CORO2B: variants seen among roughly 807,000 people sequenced by gnomAD.
The protein encoded by CORO2B is coronin 2B, also known as coronin-2B.
In CORO2B, 26 loss-of-function variants were observed where a neutral mutation model predicts 58.8. The observed-to-expected ratio is 0.44, with a 90% CI of 0.32 to 0.61. CORO2B has a LOEUF of 0.61. Ranked by LOEUF, CORO2B falls within the 20% of genes least tolerant of loss-of-function variation. The pLI is 0.04. For synonymous variants in CORO2B, 242 were observed against 253.8 expected (o/e 0.95, Z 0.44); for missense variants, 460 against 645.1 (o/e 0.71, Z 3.11).
intron 2 of CORO2B, among the ~76,000 whole-genome samples, chr15:68,671,369 T>C (rs888083645): frequency 7.9e-5 from 12 of 152,208 alleles, no homozygotes; most frequent in African/African-American, 2.9e-4. Flanking sequence ...CCCTGTTGGC[T>C]GTAGACCCAC....
chr15:68,564,232 A>T, the CORO2B span, among the ~76,000 whole-genome samples: 1 of 152,158 alleles, frequency 6.6e-6, no homozygotes, highest in Non-Finnish European at 1.5e-5. Context: ...CATTCCAATT[A>T]TGCAGTGGGC....
intron 5 of CORO2B, among the ~76,000 whole-genome samples, chr15:68,712,859 T>C (rs185457434): frequency 4.7e-4 from 71 of 152,158 alleles, no homozygotes; most frequent in Non-Finnish European, 6.8e-4. Context: ...CCAGAGCCCA[T>C]GCCAAGCAGA....
chr15:68,695,238 G>A lies in CORO2B; in HGVS notation c.315G>A (p.Ser105=), dbSNP rs773156286. Residue 105 remains serine (S), a synonymous_variant, in exon 3 of 12, where the codon TCG becomes TCA. Transcript: ENST00000261861. ...CCTTCATCGACAACATCATTGCCTCGTGCTCGGAGGACACGTCGGTGAGCA... is the reference window on the plus strand; with the variant it reads ...CCTTCATCGACAACATCATTGCCTCATGCTCGGAGGACACGTCGGTGAGCA... ...WNPFIDNIIA[S]CSEDTSVRIW... The A allele has an allele frequency of 1.9e-5, 31 of 1,613,790 alleles. No individual in the cohort carries two copies. Among genetic ancestry groups the A allele is most frequent in the African/African-American group, 2.7e-5 (2 of 74,928 alleles).
chr15:68,531,535 G>A, the CORO2B span, among the ~76,000 whole-genome samples: 29 of 118,692 alleles, frequency 2.4e-4, no homozygotes, highest in Middle Eastern at 4.5e-3. Context: ...AAGGAAGGAA[G>A]GAAGGAAGGA....
At chr15:68,530,302 G>A in the CORO2B span, among the ~76,000 whole-genome samples, 1 of 152,142 alleles carries the variant, frequency 6.6e-6, no homozygotes, top group Non-Finnish European at 1.5e-5. Context: ...TCCAACCTGG[G>A]TGACAGAGTG....
intron 1 of CORO2B, among the ~76,000 whole-genome samples, chr15:68,621,030 C>T (rs1429755287): frequency 6.6e-6 from 1 of 152,238 alleles, no homozygotes; most frequent in African/African-American, 2.4e-5. Context: ...CAGATGTTCT[C>T]CTCGCCTGCT....
chr15:68,592,121 C>G (rs1029008923), intron 1 of CORO2B, among the ~76,000 whole-genome samples: 3 of 152,106 alleles, frequency 2.0e-5, no homozygotes, highest in African/African-American at 7.2e-5. Flanking sequence ...CCTTCTGCGC[C>G]GTGTCCTCCA....
intron 3 of CORO2B, among the ~76,000 whole-genome samples, chr15:68,707,830 C>A (rs916263764): frequency 6.6e-6 from 1 of 152,100 alleles, no homozygotes; most frequent in Non-Finnish European, 1.5e-5. Flanking sequence ...CCCCCTGCAC[C>A]CTCTCAGTCA....
chr15:68,631,038 G>A (rs1196276800), intron 1 of CORO2B, among the ~76,000 whole-genome samples: 1 of 152,156 alleles, frequency 6.6e-6, no homozygotes, highest in African/African-American at 2.4e-5. Flanking sequence ...AAGGGTGAGG[G>A]GTGTTCCCGT....
At chr15:68,655,425 A>G (rs897453134) in intron 2 of CORO2B, among the ~76,000 whole-genome samples, 1 of 152,110 alleles carries the variant, frequency 6.6e-6, no homozygotes, top group Non-Finnish European at 1.5e-5. Flanking sequence ...CCAGTCTTAC[A>G]TTGACACAAT....
the CORO2B span, among the ~76,000 whole-genome samples, chr15:68,521,368 G>A: frequency 6.6e-6 from 1 of 152,166 alleles, no homozygotes; most frequent in Non-Finnish European, 1.5e-5. Context: ...AGTGCCACAA[G>A]CTTGGTACAT....
At chr15:68,573,164 G>A in the CORO2B span, among the ~76,000 whole-genome samples, 24 of 152,164 alleles carry the variant, frequency 1.6e-4, 1 homozygote, top group South Asian at 5.0e-3. Flanking sequence ...CCTCAGAGGT[G>A]AAAGACAACA....
At position 68,631,222 on chromosome 15, in the gene CORO2B, C is replaced by T. The variant is rs138522223; in HGVS notation, c.16-13938C>T. On this transcript the variant is annotated intron_variant, in intron 1 of 11. Transcript: ENST00000261861. ...CCCCATGTCCCCCAAAGGCCAGCCA[C>T]TTGCCCGTCAGTGGGTTATGGATGG... 6.6e-5 allele frequency among the ~76,000 whole-genome samples: 10 copies of T among 152,310 alleles called. No homozygotes were observed. In the East Asian group the frequency reaches 1.7e-3, roughly 26 times the overall value.
In CORO2B at chr15:68,710,584, C is replaced by G. The variant is rs1892890405; in HGVS notation, c.334-148C>G. 1 of 898,302 alleles carries G rather than the reference C, an allele frequency of 1.1e-6. No homozygotes were observed. Among genetic ancestry groups the G allele is most frequent in the African/African-American group, 1.7e-5 (1 of 58,978 alleles). 55.6% of individuals were successfully genotyped at this position (898,302 alleles called of 1,614,324 possible). ...CACACCCTGAGACCTCCCAGCAGGC[C>G]TCAGTCGAGCTTTGCCCATCGCCTC... On this transcript the variant is annotated intron_variant, in intron 3 of 11. Coordinates refer to ENST00000261861, the MANE Select transcript of CORO2B (RefSeq NM_006091.5). The surrounding 1 kb of genome is among the most constrained non-coding windows in gnomAD (Gnocchi z 4.1).
intron 2 of CORO2B, among the ~76,000 whole-genome samples, chr15:68,675,027 T>C (rs1902529305): frequency 6.6e-6 from 1 of 152,184 alleles, no homozygotes; most frequent in African/African-American, 2.4e-5. Context: ...CAAAAAGACT[T>C]AGGCAAGAAG....
intron 1 of CORO2B, among the ~76,000 whole-genome samples, chr15:68,642,111 A>G (rs916608850): frequency 1.4e-5 from 2 of 139,370 alleles, no homozygotes; most frequent in Non-Finnish European, 3.0e-5. Context: ...ATCTCGGCTC[A>G]CTGCAACCTC....
chr15:68,609,576 G>C (rs1900199827), intron 1 of CORO2B, among the ~76,000 whole-genome samples: 1 of 152,172 alleles, frequency 6.6e-6, no homozygotes, highest in Admixed American at 6.5e-5. Flanking sequence ...ATCTCTTTTG[G>C]AGTTGGGGGA....
At chr15:68,679,653 G>A (rs1451771008) in intron 2 of CORO2B, among the ~76,000 whole-genome samples, 1 of 152,202 alleles carries the variant, frequency 6.6e-6, no homozygotes, top group African/African-American at 2.4e-5. Context: ...AACTTGCTCA[G>A]TCAGTCATTA....
At chr15:68,651,851 T>C (rs983671606) in intron 2 of CORO2B, among the ~76,000 whole-genome samples, 2 of 152,240 alleles carry the variant, frequency 1.3e-5, no homozygotes, top group Non-Finnish European at 2.9e-5. Context: ...TTGCTCCATT[T>C]CCTTCAAAGC....
Sources: allele counts gnomAD v4.1 joint callset (sites outside exome capture counted in the v4.1 genomes callset), GRCh38; gene constraint gnomAD v4.1.1; non-coding constraint Gnocchi (gnomAD v3.1); transcripts MANE v1.5; gene names NCBI Gene and HGNC (gene_info 2026-07-23, HGNC 2026-07-21).